The following WDR45B variants were observed in gnomAD, a reference collection of about 807,000 sequenced individuals.
WDR45B encodes the protein WD repeat domain phosphoinositide-interacting protein 3.
A neutral mutation model predicts 44.6 loss-of-function variants in WDR45B; 20 were observed. The observed-to-expected ratio is 0.45, with a 90% CI of 0.32 to 0.65. The LOEUF (loss-of-function observed/expected upper bound fraction) is 0.65, where lower values mean the gene tolerates loss of function less well. Among genes scored for constraint, WDR45B ranks in the 30% least tolerant of loss-of-function variants. WDR45B has a pLI of 0.05. For missense variants in WDR45B, 323 were observed against 430.2 expected (o/e 0.75, Z 2.20); for synonymous variants, 169 against 164.9 (o/e 1.02, Z -0.19).
intron 4 of WDR45B, 199 bp from the exon 5 acceptor site, chr17:82,625,682 T>C: frequency 3.4e-6 from 2 of 595,322 alleles, no homozygotes; most frequent in South Asian, 3.6e-5. Flanking sequence ...CTGGCTCTGC[T>C]GAGGGAGTGC....
intron 6 of WDR45B, 25 bp downstream of exon 6, chr17:82,621,584 C>A (rs755598710): frequency 6.2e-7 from 1 of 1,613,854 alleles, no homozygotes; most frequent in South Asian, 1.1e-5. Context: ...AGGCACAACA[C>A]CAACAAGGTG....
intron 2 of WDR45B, among the ~76,000 whole-genome samples, chr17:82,641,562 A>T (rs1365370701): frequency 2.6e-5 from 4 of 152,190 alleles, no homozygotes; most frequent in African/African-American, 9.6e-5. Context: ...CACCCTGCAC[A>T]CTAGGAGAAG....
At chr17:82,644,661 G>A (rs540406809) in intron 1 of WDR45B, 1 of 159,290 alleles carries the variant, frequency 6.3e-6, no homozygotes, top group African/African-American at 2.4e-5. Context: ...TAAGTGCGTA[G>A]ATGATCGTGT....
In WDR45B at chr17:82,621,581, A is replaced by C. The variant is rs764510774; in HGVS notation, c.618+28T>G. The C allele has an allele frequency of 2.5e-6, 4 of 1,613,788 alleles. No individual in the cohort carries two copies. The South Asian group carries it at 3.3e-5, about 13-fold the overall frequency. ...TGAGCCTGCTGCTCCAGGAGGCACA[A>C]CACCAACAAGGTGAGTGGCACACTT... On this transcript the variant is annotated intron_variant, in intron 6 of 9. Transcript: ENST00000392325.
At chr17:82,643,856 A>T in intron 2 of WDR45B, 93 bp downstream of exon 2, 1 of 1,245,178 alleles carries the variant, frequency 8.0e-7, no homozygotes, top group Non-Finnish European at 1.2e-6. Context: ...TCTCGAAAAC[A>T]GCCATCCCTT....
intron 5 of WDR45B, 47 bp downstream of exon 5, chr17:82,625,342 C>T (rs1489515271): frequency 6.4e-7 from 1 of 1,572,640 alleles, no homozygotes; most frequent in Admixed American, 1.7e-5. Context: ...ACAGGCATCT[C>T]CATGTGGACC....
intron 7 of WDR45B, among the ~76,000 whole-genome samples, chr17:82,617,704 GC>G (rs1176445892): frequency 6.6e-6 from 1 of 152,154 alleles, no homozygotes; most frequent in Non-Finnish European, 1.5e-5. Flanking sequence ...CCCCCAACAT[GC>G]CGCTCAGGGC....
Position 82,625,477 on chromosome 17 carries a change from C to G in WDR45B, c.339G>C (p.Val113=). ...CCTTAATCATGGAGTCCAAAACCACCACAATTCTGGAAAGAAAAACATGAT... is the reference window on the plus strand; with the variant it reads ...CCTTAATCATGGAGTCCAAAACCACGACAATTCTGGAAAGAAAAACATGAT... ...KAVKLRRDRI[V]VVLDSMIKVF... Residue 113 remains valine (V), a synonymous_variant, in exon 5 of 10, where the codon GTG becomes GTC. Coordinates refer to ENST00000392325, the MANE Select transcript of WDR45B (RefSeq NM_019613.4). The G allele has an allele frequency of 6.2e-7, 1 of 1,614,136 alleles. No individual in the cohort carries two copies.
intron 6 of WDR45B, among the ~76,000 whole-genome samples, chr17:82,620,023 G>A (rs2045592490): frequency 6.6e-6 from 1 of 152,226 alleles, no homozygotes; most frequent in Non-Finnish European, 1.5e-5. Context: ...AGTGGGGATG[G>A]AGAATCTAAA....
At chr17:82,635,406 T>C (rs916058028) in intron 2 of WDR45B, among the ~76,000 whole-genome samples, 3 of 151,428 alleles carry the variant, frequency 2.0e-5, no homozygotes, top group Admixed American at 2.0e-4. Flanking sequence ...AATGCTTGAT[T>C]ATATCATAAG....
chr17:82,629,953 C>T, intron 3 of WDR45B: 1 of 985,246 alleles, frequency 1.0e-6, no homozygotes, highest in Non-Finnish European at 1.2e-6. Flanking sequence ...TGAGCCTCTC[C>T]TTCCCTCCTC....
In WDR45B at chr17:82,614,715, G is replaced by A. The variant is rs556582146; in HGVS notation, c.*1204C>T. The A allele has an allele frequency of 6.6e-6, 1 of 152,588 alleles. No individual in the cohort carries two copies. The highest frequency in any genetic ancestry group is 1.5e-5 in the Non-Finnish European group (1 of 68,054). The allele number at this position is 152,588 out of a possible 1,614,324, so 9.5% of individuals were successfully genotyped here. A position where few individuals can be genotyped will look rare whatever the true frequency, so the allele number is the denominator to read the frequency against. ...CAGAGAATTAGCTGATTACATGACA[G>A]TGACAGTAAAGAACTAAAGAAACCG... On this transcript the variant is annotated 3_prime_UTR_variant, in exon 10 of 10. Coordinates refer to ENST00000392325, the MANE Select transcript of WDR45B (RefSeq NM_019613.4).
At chr17:82,647,734 G>C (rs1220382463) in intron 1 of WDR45B, among the ~76,000 whole-genome samples, 1 of 151,916 alleles carries the variant, frequency 6.6e-6, no homozygotes, top group Non-Finnish European at 1.5e-5. Flanking sequence ...CTCGCCACCA[G>C]AGGCGTCGGA....
In WDR45B at chr17:82,616,031, A is replaced by C. The variant is rs753877866; in HGVS notation, c.929-6T>G. On this transcript the variant is annotated splice_region_variant and splice_polypyrimidine_tract_variant and intron_variant, in intron 9 of 9. Transcript: ENST00000392325. ...GCTGCCGTCTGCACAAATTGCTGGG[A>C]TAGAAGGAGACCATTTTACCTGTGT... 6.2e-7 allele frequency: 1 copy of C among 1,612,640 alleles called. No individual in the cohort carries two copies. The highest frequency in any genetic ancestry group is 8.5e-7 in the Non-Finnish European group (1 of 1,178,926).
intron 3 of WDR45B, chr17:82,629,444 A>C (rs1426004938): frequency 1.0e-6 from 1 of 958,270 alleles, no homozygotes; most frequent in African/African-American, 1.8e-5. Flanking sequence ...GGGCTCCTCC[A>C]GAGGACTCAC....
intron 2 of WDR45B, among the ~76,000 whole-genome samples, chr17:82,640,598 C>G (rs1451673234): frequency 6.6e-6 from 1 of 152,130 alleles, no homozygotes; most frequent in African/African-American, 2.4e-5. Context: ...ATCTGCCCAC[C>G]TTGGCCTCCC....
intron 2 of WDR45B, among the ~76,000 whole-genome samples, chr17:82,632,602 C>T (rs2045781767): frequency 6.6e-6 from 1 of 152,182 alleles, no homozygotes; most frequent in Non-Finnish European, 1.5e-5. Flanking sequence ...CCACGTTCTG[C>T]ATGGTTCACG....
At chr17:82,647,904 C>T (rs1174361323) in intron 1 of WDR45B, among the ~76,000 whole-genome samples, 1 of 151,226 alleles carries the variant, frequency 6.6e-6, no homozygotes, top group Non-Finnish European at 1.5e-5. Flanking sequence ...CCGCAGGGAG[C>T]CAGGGAACCC....
intron 2 of WDR45B, among the ~76,000 whole-genome samples, chr17:82,640,969 G>GTTTTTTTTTTTTTT (rs398031785): frequency 7.6e-6 from 1 of 131,858 alleles, no homozygotes; most frequent in Non-Finnish European, 1.6e-5. Flanking sequence ...TCTTGTCTGG[G>GTTTTTTTTTTTTTT]TTTTTTTTTT....
Sources: gnomAD v4.1 joint callset for allele counts (sites outside exome capture counted in the v4.1 genomes callset) on GRCh38, gnomAD v4.1.1 for gene constraint, MANE v1.5 for transcripts, NCBI Gene and HGNC (gene_info 2026-07-23, HGNC 2026-07-21) for gene names.